KIAA1328: variants seen among roughly 807,000 people sequenced by gnomAD.
KIAA1328 encodes the protein KIAA1328, also known as protein hinderin.
A neutral mutation model predicts 68.1 loss-of-function variants in KIAA1328; 52 were observed. That is an observed-to-expected ratio of 0.76 (90% CI 0.61 to 0.96). The LOEUF is 0.96. Ranked by LOEUF, KIAA1328 falls within the 40% of genes least tolerant of loss-of-function variation. The pLI is 0.00. For synonymous variants in KIAA1328, 232 were observed against 239.4 expected, an observed-to-expected ratio of 0.97 and a Z score of 0.28; for missense variants, 641 against 677.6, an observed-to-expected ratio of 0.95 and a Z score of 0.60.
chr18:37,097,758 G>A (rs1437766759), intron 7 of KIAA1328, among the ~76,000 whole-genome samples: 2 of 152,032 alleles, frequency 1.3e-5, no homozygotes, highest in Non-Finnish European at 2.9e-5. Context: ...ATTGAGCAGT[G>A]GTTTGTAGTT....
Position 37,183,623 on chromosome 18 carries a change from T to G in KIAA1328, c.1523+10542T>G, listed in dbSNP as rs1485649504. 1.3e-5 allele frequency among the ~76,000 whole-genome samples: 2 copies of G among 152,206 alleles called. 1 individual carries two copies. The highest frequency in any genetic ancestry group is 4.8e-5 in the African/African-American group (2 of 41,458). On this transcript the variant is annotated intron_variant, in intron 9 of 9. Coordinates refer to ENST00000280020, the MANE Select transcript of KIAA1328 (RefSeq NM_020776.3). ...TCATTATCCTCCTCCCAAGGGATTA[T>G]CAAAGTATATCAATAAGCCTGCAGT... is the stretch of plus-strand genomic sequence containing the variant.
At chr18:36,913,521 C>CACT (rs1556818967) in intron 5 of KIAA1328, among the ~76,000 whole-genome samples, 1,491 of 92,846 alleles carry the variant, frequency 0.016, 33 homozygotes, top group Non-Finnish European at 0.021. Flanking sequence ...CACACACACA[C>CACT]ACTTAGAGGA....
At chr18:36,912,367 C>G (rs1320356223) in intron 5 of KIAA1328, among the ~76,000 whole-genome samples, 1 of 152,266 alleles carries the variant, frequency 6.6e-6, no homozygotes, top group Non-Finnish European at 1.5e-5. Context: ...GCTCCTGGCT[C>G]TGTATCACTT....
intron 9 of KIAA1328, among the ~76,000 whole-genome samples, chr18:37,186,094 CTTTTT>C (rs748423012): frequency 1.1e-5 from 1 of 90,432 alleles, no homozygotes. Context: ...TCAAGGATGT[CTTTTT>C]TTTTTTTTTT....
At chr18:37,215,984 C>T (rs1175781589) in intron 9 of KIAA1328, among the ~76,000 whole-genome samples, 5 of 152,140 alleles carry the variant, frequency 3.3e-5, no homozygotes, top group Non-Finnish European at 7.4e-5. Flanking sequence ...TCTGTGGAAT[C>T]GGTGGTGATA....
intron 6 of KIAA1328, among the ~76,000 whole-genome samples, chr18:37,012,939 A>G (rs1236995727): frequency 6.6e-6 from 1 of 152,100 alleles, no homozygotes; most frequent in East Asian, 1.9e-4. Context: ...GGGGGTTTAT[A>G]CTCAGTGGAA....
At chr18:36,899,333 C>T (rs1490851426) in intron 5 of KIAA1328, among the ~76,000 whole-genome samples, 1 of 151,888 alleles carries the variant, frequency 6.6e-6, no homozygotes, top group Non-Finnish European at 1.5e-5. Flanking sequence ...GATTCTAATA[C>T]ACTACCTTAT....
At chr18:36,850,529 A>G (rs1241863946) in intron 4 of KIAA1328, among the ~76,000 whole-genome samples, 1 of 152,136 alleles carries the variant, frequency 6.6e-6, no homozygotes, top group Non-Finnish European at 1.5e-5. Context: ...ACATACCTAT[A>G]ATAAAGTTCA....
chr18:36,957,542 A>G (rs1226765900), intron 5 of KIAA1328, among the ~76,000 whole-genome samples: 2 of 152,130 alleles, frequency 1.3e-5, no homozygotes, highest in Admixed American at 1.3e-4. Flanking sequence ...GAGAGAGGGT[A>G]CCCCAGGTTA....
chr18:36,957,207 G>A (rs1334430272), intron 5 of KIAA1328, among the ~76,000 whole-genome samples: 1 of 152,174 alleles, frequency 6.6e-6, no homozygotes, highest in Non-Finnish European at 1.5e-5. Context: ...AAGGAATACT[G>A]AAACCAGACA....
At chr18:37,196,090 T>C (rs1321602546) in intron 9 of KIAA1328, among the ~76,000 whole-genome samples, 1 of 152,148 alleles carries the variant, frequency 6.6e-6, no homozygotes, top group Non-Finnish European at 1.5e-5. Context: ...TTTTTCAGAT[T>C]GATTGCTATT....
chr18:37,082,312 C>T lies in KIAA1328; in HGVS notation c.1232+14767C>T, dbSNP rs146703218. ...TCAGCCTCCCAAGTAGCTGGGATTA[C>T]AGGCACCTGCCACCACGCACAGCTA... is the stretch of plus-strand genomic sequence containing the variant. On this transcript the variant is annotated intron_variant, in intron 7 of 9. Transcript: ENST00000280020. 6.6e-3 allele frequency among the ~76,000 whole-genome samples: 1,008 copies of T among 151,828 alleles called. 16 individuals are homozygous for T. The highest frequency in any genetic ancestry group is 0.023 in the African/African-American group (933 of 41,372).
chr18:37,124,199 T>A lies in KIAA1328; in HGVS notation c.1233-36001T>A, dbSNP rs551467326. Among the ~76,000 whole-genome samples, 4 of 152,170 alleles carry A rather than the reference T, an allele frequency of 2.6e-5. No individual in the cohort carries two copies. In the South Asian group the frequency reaches 8.3e-4, roughly 32 times the overall value. ...AATGCAGAATACTGGTGGACAAAAA[T>A]AAAAAATAAAAAGAGATGTTTGGAA... On this transcript the variant is annotated intron_variant, in intron 7 of 9. Transcript: ENST00000280020.
chr18:36,965,023 G>A (rs916302840), intron 6 of KIAA1328, among the ~76,000 whole-genome samples: 13 of 151,980 alleles, frequency 8.6e-5, no homozygotes, highest in Admixed American at 3.3e-4. Flanking sequence ...TGTAATAAGA[G>A]AAAGCCTAGG....
chr18:36,889,303 A>G (rs2048601966), intron 5 of KIAA1328, among the ~76,000 whole-genome samples: 1 of 152,232 alleles, frequency 6.6e-6, no homozygotes, highest in Non-Finnish European at 1.5e-5. Context: ...TTAAAGAGAA[A>G]TATGTACAAT....
intron 2 of KIAA1328, among the ~76,000 whole-genome samples, chr18:36,834,870 T>A (rs1343426156): frequency 6.6e-5 from 10 of 152,196 alleles, no homozygotes. Flanking sequence ...CAGTACCCTT[T>A]ACAAATATTT....
intron 4 of KIAA1328, among the ~76,000 whole-genome samples, chr18:36,876,957 T>C (rs889854733): frequency 6.6e-6 from 1 of 152,178 alleles, no homozygotes; most frequent in Non-Finnish European, 1.5e-5. Flanking sequence ...CAGAAGCAGG[T>C]TGTTTAGTTT....
intron 6 of KIAA1328, among the ~76,000 whole-genome samples, chr18:36,996,148 C>G (rs889971668): frequency 2.0e-5 from 3 of 152,166 alleles, no homozygotes; most frequent in Non-Finnish European, 4.4e-5. Context: ...AAACCTGACT[C>G]TAAAATTCAT....
intron 6 of KIAA1328, among the ~76,000 whole-genome samples, chr18:37,057,953 C>G (rs957555823): frequency 6.6e-6 from 1 of 152,106 alleles, no homozygotes; most frequent in African/African-American, 2.4e-5. Flanking sequence ...TGGCTGAGGC[C>G]AGCATCACAG....
Sources: allele counts gnomAD v4.1 joint callset (sites outside exome capture counted in the v4.1 genomes callset), GRCh38; gene constraint gnomAD v4.1.1; transcripts MANE v1.5; gene names NCBI Gene and HGNC (gene_info 2026-07-23, HGNC 2026-07-21).